The following HTR2C variants were observed in gnomAD, a reference collection of about 807,000 sequenced individuals.
HTR2C encodes the protein 5-hydroxytryptamine (serotonin) receptor 2C, G protein-coupled.
In HTR2C, 5 loss-of-function variants were observed where a neutral mutation model predicts 21.0. The ratio of observed to expected loss-of-function variants is 0.24; its 90% CI spans 0.12 to 0.50. The LOEUF (loss-of-function observed/expected upper bound fraction) is 0.50. HTR2C is among the 20% of genes least tolerant of loss of function. The pLI, the probability that HTR2C is intolerant of heterozygous loss-of-function variation, is 0.98. For missense variants in HTR2C, 271 were observed against 371.2 expected (o/e 0.73, Z 2.22); for synonymous variants, 150 against 145.3 (o/e 1.03, Z -0.23).
intron 2 of HTR2C, among the ~76,000 whole-genome samples, chrX:114,691,861 A>G (rs1464217237): frequency 1.8e-5 from 2 of 112,014 alleles, no homozygotes; most frequent in Non-Finnish European, 3.8e-5. Flanking sequence ...TTCTTGATAC[A>G]ATTACTACTA....
chrX:114,642,923 T>C (rs1255934606), intron 2 of HTR2C, among the ~76,000 whole-genome samples: 1 of 111,925 alleles, frequency 8.9e-6, no homozygotes, highest in African/African-American at 3.2e-5. Flanking sequence ...CCAATGATTT[T>C]ATAATTATCT....
At chrX:114,708,523 G>C (rs1320834148) in intron 2 of HTR2C, among the ~76,000 whole-genome samples, 2 of 111,706 alleles carry the variant, frequency 1.8e-5, no homozygotes, top group Non-Finnish European at 3.8e-5. Context: ...GCATTGGCCT[G>C]GTGTGGTGGG....
intron 1 of HTR2C, among the ~76,000 whole-genome samples, chrX:114,601,328 GT>G (rs1928077979): frequency 9.0e-6 from 1 of 110,629 alleles, no homozygotes; most frequent in Non-Finnish European, 1.9e-5. Flanking sequence ...CAACATGGCT[GT>G]TTATTTCACC....
At chrX:114,852,336 T>C (rs1047875673) in intron 5 of HTR2C, among the ~76,000 whole-genome samples, 1 of 110,260 alleles carries the variant, frequency 9.1e-6, no homozygotes, top group Non-Finnish European at 1.9e-5. Context: ...AATAAAATAC[T>C]CAGAGAAGAG....
At chrX:114,712,312 A>G (rs1290500103) in intron 2 of HTR2C, among the ~76,000 whole-genome samples, 5 of 111,886 alleles carry the variant, frequency 4.5e-5, no homozygotes, top group African/African-American at 1.6e-4. Context: ...ACCATACCTC[A>G]GTGGTGATTT....
chrX:114,714,290 G>T (rs1160403872), intron 2 of HTR2C, among the ~76,000 whole-genome samples: 2 of 111,837 alleles, frequency 1.8e-5, no homozygotes, highest in Non-Finnish European at 3.8e-5. Flanking sequence ...TAGAAGCCAA[G>T]CTTTAGATAG....
intron 1 of HTR2C, among the ~76,000 whole-genome samples, chrX:114,596,678 G>T (rs1289327229): frequency 8.9e-6 from 1 of 111,947 alleles, no homozygotes; most frequent in Non-Finnish European, 1.9e-5. Flanking sequence ...TTTATAGCTT[G>T]TTCATGACTT....
intron 5 of HTR2C, among the ~76,000 whole-genome samples, chrX:114,872,058 T>C (rs1187624589): frequency 2.7e-5 from 3 of 110,366 alleles, no homozygotes; most frequent in African/African-American, 9.8e-5. Context: ...GTTTGTTACA[T>C]AGGTAAACTC....
chrX:114,860,914 T>C (rs1255625125), intron 5 of HTR2C, among the ~76,000 whole-genome samples: 1 of 111,439 alleles, frequency 9.0e-6, no homozygotes, highest in Admixed American at 9.6e-5. Flanking sequence ...GCAATACGTA[T>C]ACTTTAAAAA....
chrX:114,598,382 C>T (rs1318452625), intron 1 of HTR2C, among the ~76,000 whole-genome samples: 1 of 111,589 alleles, frequency 9.0e-6, no homozygotes, highest in African/African-American at 3.3e-5. Context: ...AGTCTGGAGT[C>T]ATTCATATTC....
chrX:114,644,394 TA>T (rs1930278564), intron 2 of HTR2C, among the ~76,000 whole-genome samples: 1 of 83,365 alleles, frequency 1.2e-5, no homozygotes, highest in Admixed American at 1.4e-4. Flanking sequence ...TATATATATA[TA>T]TATATATATA....
intron 2 of HTR2C, among the ~76,000 whole-genome samples, chrX:114,719,914 A>T (rs73565352): frequency 0.068 from 7,588 of 111,378 alleles, 625 homozygotes; most frequent in African/African-American, 0.23. Context: ...CTATTGGAGC[A>T]CAGCATATTT....
At chrX:114,748,178 A>C (rs2069723872) in intron 4 of HTR2C, among the ~76,000 whole-genome samples, 1 of 112,180 alleles carries the variant, frequency 8.9e-6, no homozygotes, top group Non-Finnish European at 1.9e-5. Flanking sequence ...ATCATAAAAA[A>C]TCATAAAATT....
At chrX:114,672,803 TGAG>T in intron 2 of HTR2C, among the ~76,000 whole-genome samples, 1 of 112,450 alleles carries the variant, frequency 8.9e-6, no homozygotes. Context: ...ATGCAGATAT[TGAG>T]ATTATTAGAT....
intron 2 of HTR2C, among the ~76,000 whole-genome samples, chrX:114,636,402 T>C (rs1929846981): frequency 8.9e-6 from 1 of 111,862 alleles, no homozygotes. Context: ...TCCCTTCCAC[T>C]AACTGGATAA....
intron 2 of HTR2C, among the ~76,000 whole-genome samples, chrX:114,694,999 C>T (rs185002927): frequency 6.3e-5 from 7 of 111,988 alleles, no homozygotes; most frequent in Non-Finnish European, 1.3e-4. Context: ...CAATTTGCCT[C>T]CCTTTAGGCT....
rs782440907 is a variant in HTR2C, at chrX:114,809,209, G to A, written c.350-38794G>A. Among the ~76,000 whole-genome samples, 4 of 109,860 alleles carry A rather than the reference G, an allele frequency of 3.6e-5. No homozygotes were observed. In the South Asian group the frequency reaches 1.2e-3, roughly 33 times the overall value. On this transcript the variant is annotated intron_variant, in intron 4 of 5. Coordinates refer to ENST00000276198, the MANE Select transcript of HTR2C (RefSeq NM_000868.4). ...GCAGCTGAGCTGACACCCAAGCTAC[G>A]GGACAAAGTTCTTCCCATTCTTCCC...
chrX:114,749,472 A>G (rs868970847), intron 4 of HTR2C, among the ~76,000 whole-genome samples: 24 of 106,057 alleles, frequency 2.3e-4, no homozygotes, highest in African/African-American at 6.5e-4. Flanking sequence ...AAAAAAAAAA[A>G]AAAAGAAAAA....
At chrX:114,822,072 C>T (rs782319656) in intron 4 of HTR2C, among the ~76,000 whole-genome samples, 9 of 110,238 alleles carry the variant, frequency 8.2e-5, no homozygotes, top group Non-Finnish European at 1.7e-4. Flanking sequence ...GTCTCGAACT[C>T]CTGACCTCAG....
Sources: gnomAD v4.1 joint callset for allele counts (sites outside exome capture counted in the v4.1 genomes callset) on GRCh38, gnomAD v4.1.1 for gene constraint, MANE v1.5 for transcripts, NCBI Gene and HGNC (gene_info 2026-07-23, HGNC 2026-07-21) for gene names.